Variants in LOC400499 observed in about 807,000 individuals in gnomAD.
At chr16:11,380,828 C>CAAAACAACGAGCACTTCTGCTT in the LOC400499 span, 43 of 152,394 alleles carry the variant, frequency 2.8e-4, no homozygotes, top group Non-Finnish European at 4.8e-4. Context: ...GTAGCGGACT[C>CAAAACAACGAGCACTTCTGCTT]AAAACAACGA....
chr16:11,504,008 G>C, the LOC400499 span, among the ~76,000 whole-genome samples: 1 of 152,192 alleles, frequency 6.6e-6, no homozygotes, highest in African/African-American at 2.4e-5. Flanking sequence ...TGGCACCCTG[G>C]GTTCGGAAGA....
the LOC400499 span, chr16:11,399,580 C>G: frequency 6.0e-5 from 24 of 398,622 alleles, no homozygotes; most frequent in Admixed American, 8.8e-5. Context: ...GGAGGCTGTT[C>G]AGGCCCCAGG....
At chr16:11,376,933 TA>T in the LOC400499 span, among the ~76,000 whole-genome samples, 1 of 127,720 alleles carries the variant, frequency 7.8e-6, no homozygotes, top group Non-Finnish European at 1.6e-5. Flanking sequence ...GATGCTATTG[TA>T]AATGGACTTT....
chr16:11,435,413 A>G, the LOC400499 span, among the ~76,000 whole-genome samples: 1 of 152,086 alleles, frequency 6.6e-6, no homozygotes, highest in African/African-American at 2.4e-5. Context: ...AGCCCTTTAT[A>G]CATTATCCTT....
chr16:11,479,116 T>C, the LOC400499 span, among the ~76,000 whole-genome samples: 1 of 152,088 alleles, frequency 6.6e-6, no homozygotes. Flanking sequence ...AAAGTGCCTG[T>C]ACTTTGGGAG....
chr16:11,512,063 C>A, the LOC400499 span, among the ~76,000 whole-genome samples: 1 of 151,868 alleles, frequency 6.6e-6, no homozygotes, highest in African/African-American at 2.4e-5. Context: ...CCGAGGTGGG[C>A]GGATCACCTG....
the LOC400499 span, among the ~76,000 whole-genome samples, chr16:11,381,947 A>ATTT: frequency 2.7e-5 from 4 of 147,676 alleles, no homozygotes; most frequent in Non-Finnish European, 3.0e-5. Flanking sequence ...TCATTCTGGA[A>ATTT]TTTTTTTTTT....
chr16:11,459,770 C>A, the LOC400499 span: 2 of 1,009,110 alleles, frequency 2.0e-6, no homozygotes, highest in South Asian at 9.8e-5. Flanking sequence ...GGGAAAGTCA[C>A]CAAGGCTAAG....
the LOC400499 span, among the ~76,000 whole-genome samples, chr16:11,517,960 G>A: frequency 6.6e-6 from 1 of 152,194 alleles, no homozygotes; most frequent in Non-Finnish European, 1.5e-5. Flanking sequence ...GGGGGCAGCG[G>A]TCACTCTCCA....
the LOC400499 span, chr16:11,493,768 T>C: frequency 5.1e-6 from 2 of 391,724 alleles, no homozygotes; most frequent in Admixed American, 4.6e-5. Flanking sequence ...CAAGCCCGCG[T>C]TGCCGACTGC....
the LOC400499 span, among the ~76,000 whole-genome samples, chr16:11,447,774 G>T: frequency 6.6e-6 from 1 of 152,082 alleles, no homozygotes; most frequent in Non-Finnish European, 1.5e-5. Context: ...AGCTTTCAGG[G>T]GAGGTGGCTC....
chr16:11,462,400 C>G, the LOC400499 span: 199 of 1,368,920 alleles, frequency 1.5e-4, 1 homozygote, highest in African/African-American at 2.7e-3. Flanking sequence ...GAGACAACAT[C>G]GCTAACAACC....
the LOC400499 span, among the ~76,000 whole-genome samples, chr16:11,505,873 G>A: frequency 2.0e-5 from 3 of 151,970 alleles, no homozygotes; most frequent in African/African-American, 4.8e-5. Flanking sequence ...TTTTCTTTAC[G>A]TTAGAAACGT....
chr16:11,376,180 A>G, the LOC400499 span, among the ~76,000 whole-genome samples: 3 of 152,230 alleles, frequency 2.0e-5, no homozygotes, highest in African/African-American at 7.2e-5. Context: ...CTCTGTTAAT[A>G]GTATCCTTCA....
the LOC400499 span, among the ~76,000 whole-genome samples, chr16:11,412,173 CT>C: frequency 3.3e-5 from 5 of 152,184 alleles, no homozygotes; most frequent in Admixed American, 3.3e-4. Context: ...CCTCTCTCCC[CT>C]GTTGCTAACT....
At chr16:11,473,589 C>T in the LOC400499 span, among the ~76,000 whole-genome samples, 51,606 of 151,710 alleles carry the variant, frequency 0.34, 9,606 homozygotes, top group African/African-American at 0.47. Context: ...ACCCTGTCTC[C>T]ACTAAAAATA....
At chr16:11,395,438 C>A in the LOC400499 span, among the ~76,000 whole-genome samples, 2 of 152,162 alleles carry the variant, frequency 1.3e-5, no homozygotes, top group African/African-American at 4.8e-5. Flanking sequence ...CCATCAGGCA[C>A]GGGGCTTACA....
At chr16:11,527,389 G>T in the LOC400499 span, among the ~76,000 whole-genome samples, 1 of 152,102 alleles carries the variant, frequency 6.6e-6, no homozygotes, top group Non-Finnish European at 1.5e-5. Flanking sequence ...CGACAGAGAG[G>T]AGGGGAGGGG....
the LOC400499 span, chr16:11,500,715 A>C: frequency 1.0e-5 from 4 of 397,610 alleles, no homozygotes; most frequent in Non-Finnish European, 1.3e-5. Flanking sequence ...GGGCTGGCAC[A>C]AAAGAACTGA....
Sources: gnomAD v4.1 joint callset for allele counts (sites outside exome capture counted in the v4.1 genomes callset) on GRCh38, gnomAD v4.1.1 for gene constraint, MANE v1.5 for transcripts.